Variants in DGKI observed in about 807,000 individuals in gnomAD.
DGKI encodes diacylglycerol kinase iota, also known as DAG kinase iota.
DGKI carries 55 observed loss-of-function variants against 147.5 expected under a neutral mutation model. That is an observed-to-expected ratio of 0.37 (90% CI 0.30 to 0.47). The LOEUF (loss-of-function observed/expected upper bound fraction) is 0.47, where lower values mean the gene tolerates loss of function less well. Ranked by LOEUF, DGKI falls within the 20% of genes least tolerant of loss-of-function variation. DGKI has a pLI of 1.00. For missense variants in DGKI, 1,007 were observed against 1,323.8 expected (o/e 0.76, Z 3.71); for synonymous variants, 469 against 477.1 (o/e 0.98, Z 0.22).
intron 1 of DGKI, among the ~76,000 whole-genome samples, chr7:137,801,909 C>CA (rs965882454): frequency 1.3e-4 from 20 of 152,042 alleles, no homozygotes; most frequent in Middle Eastern, 3.4e-3. Context: ...AAACTTTATG[C>CA]AAAAAAATGC....
chr7:137,795,610 G>A (rs184815790), intron 1 of DGKI, among the ~76,000 whole-genome samples: 518 of 152,264 alleles, frequency 3.4e-3, no homozygotes, highest in Non-Finnish European at 5.6e-3. Flanking sequence ...AGAAGTCCAC[G>A]GGAGCTTTGG....
chr7:137,494,968 T>G (rs760494480), intron 21 of DGKI, among the ~76,000 whole-genome samples: 1 of 151,828 alleles, frequency 6.6e-6, no homozygotes, highest in Non-Finnish European at 1.5e-5. Context: ...ACCAAGCAGA[T>G]AGAAAACAGA....
chr7:137,446,232 T>C (rs938433571), intron 27 of DGKI, among the ~76,000 whole-genome samples: 1 of 152,242 alleles, frequency 6.6e-6, no homozygotes, highest in African/African-American at 2.4e-5. Flanking sequence ...GATGGCTCCG[T>C]TAGAGTCCCA....
At chr7:137,508,654 C>A (rs1218184327) in intron 21 of DGKI, among the ~76,000 whole-genome samples, 2 of 152,034 alleles carry the variant, frequency 1.3e-5, no homozygotes, top group Non-Finnish European at 2.9e-5. Flanking sequence ...CAGACTCATG[C>A]CAAATTTTAC....
chr7:137,687,413 T>A (rs1168886002), intron 2 of DGKI, among the ~76,000 whole-genome samples: 1 of 152,158 alleles, frequency 6.6e-6, no homozygotes, highest in Non-Finnish European at 1.5e-5. Context: ...TGGTAGAAGA[T>A]GAGGGAATCA....
At chr7:137,462,865 A>T (rs1230552674) in intron 27 of DGKI, among the ~76,000 whole-genome samples, 1 of 152,190 alleles carries the variant, frequency 6.6e-6, no homozygotes, top group Non-Finnish European at 1.5e-5. Context: ...GCACAAAGGT[A>T]TCGACACTGC....
chr7:137,638,615 C>CATGTATGTATATGTGTGTACAT (rs1383387447), intron 6 of DGKI, among the ~76,000 whole-genome samples: 1 of 8,232 alleles, frequency 1.2e-4, no homozygotes, highest in African/African-American at 2.9e-4. Flanking sequence ...TATATATACA[C>CATGTATGTATATGTGTGTACAT]ACACACATAT....
intron 1 of DGKI, among the ~76,000 whole-genome samples, chr7:137,745,675 T>A (rs1446852075): frequency 6.6e-6 from 1 of 152,048 alleles, no homozygotes; most frequent in East Asian, 1.9e-4. Context: ...TAATAATGGT[T>A]CCAAAATGCA....
intron 10 of DGKI, among the ~76,000 whole-genome samples, chr7:137,600,222 CTGAG>C (rs1179194668): frequency 6.6e-6 from 1 of 152,092 alleles, no homozygotes; most frequent in East Asian, 1.9e-4. Flanking sequence ...GCACTCCAGC[CTGAG>C]TGACAGGAGT....
intron 21 of DGKI, among the ~76,000 whole-genome samples, chr7:137,507,433 CT>C (rs986595730): frequency 6.6e-6 from 1 of 152,074 alleles, no homozygotes; most frequent in Non-Finnish European, 1.5e-5. Context: ...TCCAATTCTG[CT>C]TTTATCATGA....
chr7:137,427,033 C>A (rs1394011413), intron 28 of DGKI, among the ~76,000 whole-genome samples: 10 of 150,854 alleles, frequency 6.6e-5, no homozygotes, highest in Admixed American at 6.6e-4. Flanking sequence ...TTGAACTCAG[C>A]TCTGCACCAA....
intron 8 of DGKI, among the ~76,000 whole-genome samples, chr7:137,618,151 A>ATATATATATATTTTTTTTTTT: frequency 1.9e-4 from 2 of 10,466 alleles, no homozygotes; most frequent in African/African-American, 2.5e-4. Context: ...ATATATATAT[A>ATATATATATATTTTTTTTTTT]TTTTTTTTTT....
rs959547976 is a variant in DGKI, at chr7:137,387,541, T to C, written c.*3679A>G. 1 of 152,216 alleles carries C rather than the reference T, an allele frequency of 6.6e-6. No individual in the cohort carries two copies. Among genetic ancestry groups the C allele is most frequent in the African/African-American group, 2.4e-5 (1 of 41,466 alleles). 9.4% of individuals were successfully genotyped at this position (152,216 alleles called of 1,614,324 possible). ...TGAATATAGTATACATACTTGCATG[T>C]GTATATAAATAAATGTCTATATATG... On this transcript the variant is annotated 3_prime_UTR_variant, in exon 33 of 33. Coordinates refer to ENST00000614521, the MANE Select transcript of DGKI (RefSeq NM_001321708.2).
intron 28 of DGKI, among the ~76,000 whole-genome samples, chr7:137,427,616 G>A (rs527317580): frequency 6.6e-6 from 1 of 152,244 alleles, no homozygotes; most frequent in Admixed American, 6.5e-5. Flanking sequence ...CCAGGAGCTG[G>A]TTTTTTGAAA....
intron 3 of DGKI, among the ~76,000 whole-genome samples, chr7:137,678,023 C>G (rs1399089050): frequency 6.6e-6 from 1 of 152,190 alleles, no homozygotes; most frequent in Non-Finnish European, 1.5e-5. Flanking sequence ...AAAGTTAACT[C>G]CAATTGACCT....
intron 18 of DGKI, among the ~76,000 whole-genome samples, chr7:137,571,724 G>T (rs944057423): frequency 6.6e-6 from 1 of 152,022 alleles, no homozygotes; most frequent in Non-Finnish European, 1.5e-5. Context: ...AGAAGGGAAA[G>T]GTAACTATGG....
intron 28 of DGKI, among the ~76,000 whole-genome samples, chr7:137,429,069 A>T (rs1303338883): frequency 6.6e-6 from 1 of 151,664 alleles, no homozygotes; most frequent in African/African-American, 2.4e-5. Flanking sequence ...GTTCATATGG[A>T]ACCAAAAAAG....
chr7:137,837,176 T>C (rs1255635914), intron 1 of DGKI, among the ~76,000 whole-genome samples: 1 of 152,254 alleles, frequency 6.6e-6, no homozygotes, highest in Non-Finnish European at 1.5e-5. Flanking sequence ...CCCTACTTAA[T>C]TGACGGTCCA....
chr7:137,554,334 T>C (rs1333901098), intron 19 of DGKI, among the ~76,000 whole-genome samples: 3 of 152,210 alleles, frequency 2.0e-5, no homozygotes, highest in Non-Finnish European at 4.4e-5. Context: ...AGAGCCCTAA[T>C]AGAAAGCCCC....
Sources: allele counts gnomAD v4.1 joint callset (sites outside exome capture counted in the v4.1 genomes callset), GRCh38; gene constraint gnomAD v4.1.1; transcripts MANE v1.5; gene names NCBI Gene and HGNC (gene_info 2026-07-23, HGNC 2026-07-21).